The following RBFOX1 variants were observed in gnomAD, a reference collection of about 807,000 sequenced individuals.
RBFOX1 encodes RNA binding fox-1 homolog 1.
RBFOX1 carries 8 observed loss-of-function variants against 57.7 expected under a neutral mutation model. That is an observed-to-expected ratio of 0.14 (90% CI 0.08 to 0.25). RBFOX1 has a LOEUF of 0.25. Among genes scored for constraint, RBFOX1 ranks in the 10% least tolerant of loss-of-function variants. The pLI is 1.00. For missense variants in RBFOX1, 611 were observed against 548.5 expected (o/e 1.11, Z -1.14); for synonymous variants, 326 against 222.4 (o/e 1.47, Z -4.15).
chr16:6,667,292 G>A (rs1032006075), intron 3 of RBFOX1, among the ~76,000 whole-genome samples: 3 of 152,214 alleles, frequency 2.0e-5, no homozygotes, highest in South Asian at 2.1e-4. Context: ...AAGCACTGAG[G>A]TAGATCGGGC....
At chr16:6,729,184 T>C (rs374940586) in intron 3 of RBFOX1, among the ~76,000 whole-genome samples, 2 of 152,136 alleles carry the variant, frequency 1.3e-5, no homozygotes, top group Non-Finnish European at 1.5e-5. Flanking sequence ...CTTTCCAAAA[T>C]AGACTTACCT....
At chr16:6,474,611 T>C (rs1456128559) in intron 2 of RBFOX1, among the ~76,000 whole-genome samples, 1 of 152,148 alleles carries the variant, frequency 6.6e-6, no homozygotes, top group African/African-American at 2.4e-5. Context: ...TAGCATGGGA[T>C]GGTGTGGTGC....
chr16:5,387,033 A>G (rs944352631), intron 1 of RBFOX1, among the ~76,000 whole-genome samples: 9 of 152,186 alleles, frequency 5.9e-5, no homozygotes, highest in Non-Finnish European at 8.8e-5. Flanking sequence ...CCTGGGCAAC[A>G]AGAGTGAAAC....
chr16:5,560,587 G>A (rs1175165675), intron 2 of RBFOX1, among the ~76,000 whole-genome samples: 5 of 152,184 alleles, frequency 3.3e-5, no homozygotes, highest in African/African-American at 1.2e-4. Flanking sequence ...CAAATGTGGT[G>A]CCTATTTTTG....
At chr16:6,825,087 C>A (rs1401772343) in intron 3 of RBFOX1, among the ~76,000 whole-genome samples, 4 of 143,460 alleles carry the variant, frequency 2.8e-5, no homozygotes, top group Admixed American at 2.2e-4. Flanking sequence ...ACCCCTGTCA[C>A]CCTGGTTCAA....
chr16:6,722,623 T>G (rs1459834293), intron 3 of RBFOX1, among the ~76,000 whole-genome samples: 1 of 152,238 alleles, frequency 6.6e-6, no homozygotes, highest in Non-Finnish European at 1.5e-5. Context: ...AGTTTCTGTC[T>G]TGTGTACTTG....
exon 3 of RBFOX1, chr16:5,599,690 ATCACTACTAGC>A (rs2047301742): frequency 6.4e-6 from 1 of 157,464 alleles, no homozygotes; most frequent in Admixed American, 6.2e-5. Flanking sequence ...CTTTATAGCC[ATCACTACTAGC>A]TTTCCGTTAA....
At chr16:6,107,686 T>A (rs990938997) in intron 1 of RBFOX1, among the ~76,000 whole-genome samples, 7 of 91,996 alleles carry the variant, frequency 7.6e-5, no homozygotes, top group African/African-American at 2.5e-4. Context: ...GATGGATAGG[T>A]GGGTGGGTGG....
intron 4 of RBFOX1, among the ~76,000 whole-genome samples, chr16:5,969,105 A>G (rs894259119): frequency 7.9e-5 from 12 of 151,828 alleles, no homozygotes; most frequent in African/African-American, 2.9e-4. Context: ...TCTGATTTAT[A>G]TTGTTTTCCA....
intron 3 of RBFOX1, among the ~76,000 whole-genome samples, chr16:5,765,747 G>T (rs1361021047): frequency 6.6e-6 from 1 of 152,218 alleles, no homozygotes; most frequent in Non-Finnish European, 1.5e-5. Flanking sequence ...CCTCAGCCTG[G>T]GGTTTGAGTT....
rs532057488 is a variant in RBFOX1, at chr16:7,510,321, GT to G, written c.28-7817del. The G allele has an allele frequency of 1.2e-4, 120 of 979,434 alleles. No individual in the cohort carries two copies. In the African/African-American group the frequency reaches 1.7e-3, roughly 14 times the overall value. The allele number at this position is 979,434 out of a possible 1,614,324, so 60.7% of individuals were successfully genotyped here. On this transcript the variant is annotated intron_variant, in intron 4 of 15. Coordinates refer to ENST00000550418, the MANE Select transcript of RBFOX1 (RefSeq NM_018723.4). ...GCAGGATGGTGCAGCAGGTATTTTTGTTTTTTTTTCCATTTAATCTTTCACT... is the reference window on the plus strand; with the variant it reads ...GCAGGATGGTGCAGCAGGTATTTTTGTTTTTTTTCCATTTAATCTTTCACT...
intron 1 of RBFOX1, among the ~76,000 whole-genome samples, chr16:5,443,634 C>G (rs1049395767): frequency 1.3e-5 from 2 of 152,216 alleles, no homozygotes; most frequent in African/African-American, 4.8e-5. Flanking sequence ...GCCACCACAC[C>G]TGGCCCATCT....
intron 12 of RBFOX1, 35 bp downstream of exon 12, chr16:7,653,982 C>T (rs1160860233): frequency 6.2e-6 from 9 of 1,457,444 alleles, no homozygotes; most frequent in East Asian, 5.0e-5. Flanking sequence ...GGCCTCCCTG[C>T]ACCAGCCCTC....
Position 7,062,335 on chromosome 16 carries a change from A to G in RBFOX1, c.27+10237A>G, listed in dbSNP as rs1161708610. Among the ~76,000 whole-genome samples the G allele has an allele frequency of 2.2e-3, 311 of 139,480 alleles. 2 individuals carry two copies. Among genetic ancestry groups the G allele is most frequent in the African/African-American group, 8.5e-3 (295 of 34,548 alleles). 91.5% of individuals were successfully genotyped at this position (139,480 alleles called of 152,430 possible). On this transcript the variant is annotated intron_variant, in intron 4 of 15. Transcript: ENST00000550418. ...TCCATCTCAAAAAAAAAAAAAAAAA[A>G]AAAGAAAAGAAAAAAGGAAAAATGG...
chr16:7,334,371 A>G (rs183934941), intron 4 of RBFOX1, among the ~76,000 whole-genome samples: 192 of 152,244 alleles, frequency 1.3e-3, no homozygotes, highest in Middle Eastern at 6.8e-3. Flanking sequence ...TAAGGTTGCC[A>G]TTTCTGAAGT....
In RBFOX1 at chr16:7,195,040, A is replaced by C. The variant is rs570531371; in HGVS notation, c.27+142942A>C. ...TTAATTAGTTGTTTATTGTTCTTCT[A>C]ATTCTAGCAACAAAACTTTAAAAAA... On this transcript the variant is annotated intron_variant, in intron 4 of 15. Transcript: ENST00000550418. Among the ~76,000 whole-genome samples the C allele has an allele frequency of 1.3e-4, 17 of 131,306 alleles. No homozygotes were observed. In the East Asian group the frequency reaches 3.3e-3, roughly 25 times the overall value. The allele number at this position is 131,306 out of a possible 152,430, so 86.1% of individuals were successfully genotyped here. A position where few individuals can be genotyped will look rare whatever the true frequency, so the allele number is the denominator to read the frequency against.
At chr16:5,609,894 A>C (rs1017737637) in intron 3 of RBFOX1, among the ~76,000 whole-genome samples, 1 of 152,122 alleles carries the variant, frequency 6.6e-6, no homozygotes, top group African/African-American at 2.4e-5. Flanking sequence ...GTGGAAGACA[A>C]AACCGACATC....
chr16:7,001,218 CTGT>C (rs781682995), intron 3 of RBFOX1, among the ~76,000 whole-genome samples: 1 of 152,052 alleles, frequency 6.6e-6, no homozygotes, highest in Non-Finnish European at 1.5e-5. Flanking sequence ...TTCTGAAGCT[CTGT>C]TGTTGGCCAG....
At chr16:6,537,212 C>T (rs1053781166) in intron 2 of RBFOX1, among the ~76,000 whole-genome samples, 2 of 152,212 alleles carry the variant, frequency 1.3e-5, no homozygotes, top group Non-Finnish European at 2.9e-5. Flanking sequence ...AGATTCGGCA[C>T]TTCTAATAAG....
Sources: allele counts gnomAD v4.1 joint callset (sites outside exome capture counted in the v4.1 genomes callset), GRCh38; gene constraint gnomAD v4.1.1; transcripts MANE v1.5; gene names NCBI Gene and HGNC (gene_info 2026-07-23, HGNC 2026-07-21).